Variants in BTRC observed in about 807,000 individuals in gnomAD.
BTRC encodes beta-transducin repeat containing E3 ubiquitin protein ligase.
BTRC carries 42 observed loss-of-function variants against 85.5 expected under a neutral mutation model. That is an observed-to-expected ratio of 0.49 (90% confidence interval 0.38 to 0.64). The LOEUF is 0.64. Ranked by LOEUF, BTRC falls within the 30% of genes least tolerant of loss-of-function variation. The probability of loss-of-function intolerance (pLI) is 0.00; values close to 1 mark genes in which losing one functional copy is unlikely to be tolerated. For synonymous variants in BTRC, 255 were observed against 263.3 expected (o/e 0.97, Z 0.30); for missense variants, 594 against 743.5 (o/e 0.80, Z 2.34).
chr10:101,449,520 T>C lies in BTRC; in HGVS notation c.157-12461T>C, dbSNP rs574131051. Among the ~76,000 whole-genome samples, 3 of 152,262 alleles carry C rather than the reference T, an allele frequency of 2.0e-5. No homozygotes were observed. In the East Asian group the frequency reaches 5.8e-4, roughly 29 times the overall value. ...AGAGGATCTCTGGATGAAATATTTT[T>C]GTAAATATGGCAGCAAAGAAAATCA... On this transcript the variant is annotated intron_variant, in intron 2 of 14. Transcript: ENST00000370187.
intron 4 of BTRC, among the ~76,000 whole-genome samples, chr10:101,483,187 A>G (rs965033912): frequency 1.5e-4 from 23 of 152,338 alleles, no homozygotes; most frequent in African/African-American, 5.1e-4. Context: ...AAGGGTACCA[A>G]TTAGTCCTCT....
chr10:101,427,782 C>T (rs1404704374), intron 1 of BTRC, among the ~76,000 whole-genome samples: 1 of 152,078 alleles, frequency 6.6e-6, no homozygotes, highest in Non-Finnish European at 1.5e-5. Flanking sequence ...CCTGCCTCGC[C>T]CTCCCAAAGT....
At chr10:101,501,203 G>A (rs1015118525) in intron 4 of BTRC, among the ~76,000 whole-genome samples, 1 of 150,390 alleles carries the variant, frequency 6.6e-6, no homozygotes, top group Non-Finnish European at 1.5e-5. Flanking sequence ...AAAAAAAAGA[G>A]GTGTATGCTT....
At chr10:101,439,298 T>TC (rs1944618327) in intron 2 of BTRC, among the ~76,000 whole-genome samples, 1 of 152,156 alleles carries the variant, frequency 6.6e-6, no homozygotes, top group African/African-American at 2.4e-5. Context: ...AACCACAAGG[T>TC]ACACGAGCAA....
At chr10:101,432,782 A>G (rs1041795924) in intron 2 of BTRC, among the ~76,000 whole-genome samples, 2 of 152,186 alleles carry the variant, frequency 1.3e-5, no homozygotes, top group South Asian at 2.1e-4. Context: ...GAAGGATCCA[A>G]TTGTAGAACT....
At chr10:101,366,604 T>G (rs1942381584) in intron 1 of BTRC, among the ~76,000 whole-genome samples, 1 of 150,096 alleles carries the variant, frequency 6.7e-6, no homozygotes, top group Non-Finnish European at 1.5e-5. Context: ...GACTTGTGTC[T>G]GAGGTGGGCA....
intron 2 of BTRC, among the ~76,000 whole-genome samples, chr10:101,438,032 A>G (rs912098559): frequency 6.6e-6 from 1 of 152,204 alleles, no homozygotes; most frequent in African/African-American, 2.4e-5. Context: ...TAAAATTGAC[A>G]TGAAGAAAAG....
chr10:101,392,210 C>T (rs1439858868), intron 1 of BTRC, among the ~76,000 whole-genome samples: 1 of 152,196 alleles, frequency 6.6e-6, no homozygotes, highest in Non-Finnish European at 1.5e-5. Context: ...AAACTCTTGA[C>T]CTCGTGATCT....
intron 1 of BTRC, among the ~76,000 whole-genome samples, chr10:101,382,171 T>TG (rs1469248734): frequency 2.0e-5 from 3 of 151,486 alleles, no homozygotes; most frequent in Admixed American, 2.0e-4. Flanking sequence ...TTAGTAGAGA[T>TG]GGGGTTTCAC....
At chr10:101,402,054 GA>G (rs1023148373) in intron 1 of BTRC, among the ~76,000 whole-genome samples, 55 of 152,084 alleles carry the variant, frequency 3.6e-4, no homozygotes, top group African/African-American at 8.9e-4. Flanking sequence ...AGGAAGTTAT[GA>G]AAAAAAGTCT....
At chr10:101,533,999 A>G (rs2062342188) in intron 9 of BTRC, among the ~76,000 whole-genome samples, 1 of 152,248 alleles carries the variant, frequency 6.6e-6, no homozygotes, top group Admixed American at 6.5e-5. Flanking sequence ...TAAACTGGAA[A>G]AAAGGAAATA....
At chr10:101,501,770 A>G (rs943179489) in intron 4 of BTRC, among the ~76,000 whole-genome samples, 4 of 152,308 alleles carry the variant, frequency 2.6e-5, no homozygotes, top group Middle Eastern at 6.8e-3. Context: ...AGAAAAGCCA[A>G]GTTCTTCAAA....
At chr10:101,436,892 C>T (rs1324644772) in intron 2 of BTRC, among the ~76,000 whole-genome samples, 1 of 152,014 alleles carries the variant, frequency 6.6e-6, no homozygotes, top group African/African-American at 2.4e-5. Flanking sequence ...TGGAACAATA[C>T]AGGAAAATTA....
intron 1 of BTRC, among the ~76,000 whole-genome samples, chr10:101,367,030 ATT>A (rs71016312): frequency 0.057 from 3,713 of 64,576 alleles, 608 homozygotes; most frequent in Non-Finnish European, 0.093. Context: ...ATATTTATAT[ATT>A]TATATATATA....
At chr10:101,357,183 C>T (rs1267152150) in intron 1 of BTRC, among the ~76,000 whole-genome samples, 1 of 151,330 alleles carries the variant, frequency 6.6e-6, no homozygotes, top group East Asian at 1.9e-4. Flanking sequence ...TGGCTCATGC[C>T]TGTAATCCCA....
intron 1 of BTRC, among the ~76,000 whole-genome samples, chr10:101,381,435 A>T (rs948569573): frequency 1.4e-4 from 21 of 152,222 alleles, no homozygotes; most frequent in Non-Finnish European, 1.9e-4. Context: ...TGAGAATAAC[A>T]ATAACTGTTC....
At chr10:101,521,560 T>C in intron 4 of BTRC, 79 bp from the exon 5 acceptor site, 3 of 1,030,588 alleles carry the variant, frequency 2.9e-6, no homozygotes, top group Non-Finnish European at 4.3e-6. Context: ...TAATATAGCA[T>C]GCCATACCAG....
At chr10:101,472,275 C>CTCTCTTCTCTTCTCTTCTCTTCTCT (rs57342908) in intron 3 of BTRC, among the ~76,000 whole-genome samples, 10,011 of 114,202 alleles carry the variant, frequency 0.088, 921 homozygotes, top group South Asian at 0.12. Flanking sequence ...TTTTCTTTTC[C>CTCTCTTCTCTTCTCTTCTCTTCTCT]TCTCTTCTCT....
chr10:101,505,116 T>TATATATATATATACACAC (rs1466302261), intron 4 of BTRC, among the ~76,000 whole-genome samples: 18 of 57,314 alleles, frequency 3.1e-4, no homozygotes, highest in African/African-American at 6.1e-4. Flanking sequence ...TATATATTTA[T>TATATATATATATACACAC]ATATATATAT....
Sources: allele counts gnomAD v4.1 joint callset (sites outside exome capture counted in the v4.1 genomes callset), GRCh38; gene constraint gnomAD v4.1.1; transcripts MANE v1.5; gene names NCBI Gene and HGNC (gene_info 2026-07-23, HGNC 2026-07-21).